IRF4: variants seen among roughly 807,000 people sequenced by gnomAD.
The protein encoded by IRF4 is interferon regulatory factor 4.
In IRF4, 13 loss-of-function variants were observed where a neutral mutation model predicts 55.5. That is an observed-to-expected ratio of 0.23 (90% CI 0.15 to 0.37). IRF4 has a LOEUF of 0.37. Ranked by LOEUF, IRF4 falls within the 10% of genes least tolerant of loss-of-function variation. The pLI is 1.00. For missense variants in IRF4, 397 were observed against 593.8 expected (o/e 0.67, Z 3.44); for synonymous variants, 249 against 240.7 (o/e 1.03, Z -0.32).
Position 407,610 on chromosome 6 carries a change from A to C in IRF4, c.*12A>C. ...CTATTCAAGAATGAAAAATGTCAAG[A>C]TGAGTGGTTTTCTTTTTCCTTTTTT... is the stretch of plus-strand genomic sequence containing the variant. On this transcript the variant is annotated 3_prime_UTR_variant, in exon 9 of 9. Coordinates refer to ENST00000380956, the MANE Select transcript of IRF4 (RefSeq NM_002460.4). The C allele has an allele frequency of 6.7e-7, 1 of 1,503,198 alleles. No individual in the cohort carries two copies. The highest frequency in any genetic ancestry group is 1.2e-5 in the South Asian group (1 of 82,996). The allele number at this position is 1,503,198 out of a possible 1,614,324, so 93.1% of individuals were successfully genotyped here. A position where few individuals can be genotyped will look rare whatever the true frequency, so the allele number is the denominator to read the frequency against.
chr6:407,655 G>A lies in IRF4; in HGVS notation c.*57G>A. On this transcript the variant is annotated 3_prime_UTR_variant, in exon 9 of 9. Coordinates refer to ENST00000380956, the MANE Select transcript of IRF4 (RefSeq NM_002460.4). Reference sequence around the variant, plus strand: ...TTTTTTTTTTTTTTTTTTTGATACGGGGATACGGGGTCTTGCTCTGTCTCC... The same window carrying A: ...TTTTTTTTTTTTTTTTTTTGATACGAGGATACGGGGTCTTGCTCTGTCTCC... The A allele has an allele frequency of 7.1e-7, 1 of 1,407,216 alleles. No individual in the cohort carries two copies. The highest frequency in any genetic ancestry group is 9.7e-7 in the Non-Finnish European group (1 of 1,031,496). 87.2% of individuals were successfully genotyped at this position (1,407,216 alleles called of 1,614,324 possible). A position where few individuals can be genotyped will look rare whatever the true frequency, so the allele number is the denominator to read the frequency against.
At chr6:406,769 C>T in intron 8 of IRF4, 1 of 1,188,074 alleles carries the variant, frequency 8.4e-7, no homozygotes, top group Non-Finnish European at 1.1e-6. Flanking sequence ...ATTTCAGGTA[C>T]TTAGGAGTTT....
At chr6:402,243 A>T (rs943479678) in intron 7 of IRF4, among the ~76,000 whole-genome samples, 1 of 152,220 alleles carries the variant, frequency 6.6e-6, no homozygotes, top group Non-Finnish European at 1.5e-5. Context: ...GAGAAGTTAT[A>T]GGAGAGTGCT....
At chr6:398,775 G>C in intron 5 of IRF4, 53 bp from the exon 6 acceptor site, 1 of 1,347,544 alleles carries the variant, frequency 7.4e-7, no homozygotes, top group East Asian at 2.4e-5. Context: ...GAAGCCCCGC[G>C]GTGCGTCGGA....
In IRF4 at chr6:408,603, G is replaced by A. The variant is rs1761614878; in HGVS notation, c.*1005G>A. 2 of 229,630 alleles carry A rather than the reference G, an allele frequency of 8.7e-6. No homozygotes were observed. The highest frequency in any genetic ancestry group is 5.7e-5 in the Admixed American group (1 of 17,664). 14.2% of individuals were successfully genotyped at this position (229,630 alleles called of 1,614,324 possible). A position where few individuals can be genotyped will look rare whatever the true frequency, so the allele number is the denominator to read the frequency against. On this transcript the variant is annotated 3_prime_UTR_variant, in exon 9 of 9. Transcript: ENST00000380956. Reference sequence around the variant, plus strand: ...ATGCTAAAATTCTTCGCATAAAGAAGAAGAAATTAAGGAACATAAATCTTA... The same window carrying A: ...ATGCTAAAATTCTTCGCATAAAGAAAAAGAAATTAAGGAACATAAATCTTA...
rs1280345038 is a variant in IRF4 at position 393,497 on chromosome 6, T to A, written c.216+129T>A. ...GGCGGACGGGCGGGCGGCGGAGGCA[T>A]CAGGTGGCGTCGCCGGAGCCGCAGG... On this transcript the variant is annotated intron_variant, in intron 2 of 8. Coordinates refer to ENST00000380956, the MANE Select transcript of IRF4 (RefSeq NM_002460.4). The surrounding 1 kb of genome is among the most constrained non-coding windows in gnomAD (Gnocchi z 5.4). 4 of 587,366 alleles carry A rather than the reference T, an allele frequency of 6.8e-6. No homozygotes were observed. The highest frequency in any genetic ancestry group is 2.0e-5 in the African/African-American group (1 of 50,854). 36.4% of individuals were successfully genotyped at this position (587,366 alleles called of 1,614,324 possible). A position where few individuals can be genotyped will look rare whatever the true frequency, so the allele number is the denominator to read the frequency against.
chr6:408,341 T>C lies in IRF4; in HGVS notation c.*743T>C, dbSNP rs1019189039. ...GTGCCTGTAGCCTTGGGGAGGCCCA[T>C]CCCCCACCTGCCAGCGGTTTCCTGG... On this transcript the variant is annotated 3_prime_UTR_variant, in exon 9 of 9. Transcript: ENST00000380956. 3.0e-5 allele frequency: 7 copies of C among 231,472 alleles called. No homozygotes were observed. Among genetic ancestry groups the C allele is most frequent in the African/African-American group, 1.1e-4 (5 of 45,230 alleles). The allele number at this position is 231,472 out of a possible 1,614,324, so 14.3% of individuals were successfully genotyped here. A position where few individuals can be genotyped will look rare whatever the true frequency, so the allele number is the denominator to read the frequency against.
At chr6:400,539 A>G (rs2127439410) in intron 6 of IRF4, among the ~76,000 whole-genome samples, 1 of 152,316 alleles carries the variant, frequency 6.6e-6, no homozygotes, top group African/African-American at 2.4e-5. Flanking sequence ...CTTTTAGAGT[A>G]TTTTTCTCAT....
chr6:407,723 C>A lies in IRF4; in HGVS notation c.*125C>A, dbSNP rs1761588912. The A allele has an allele frequency of 1.1e-6, 1 of 889,888 alleles. No individual in the cohort carries two copies. Among genetic ancestry groups the A allele is most frequent in the Non-Finnish European group, 1.7e-6 (1 of 594,600 alleles). The allele number at this position is 889,888 out of a possible 1,614,324, so 55.1% of individuals were successfully genotyped here. On this transcript the variant is annotated 3_prime_UTR_variant, in exon 9 of 9. Transcript: ENST00000380956. ...ACACAATCTCAGCTCACTGTGACCTCCGCCTCCTGGGTTCAAGAGACTCTC... is the reference window on the plus strand; with the variant it reads ...ACACAATCTCAGCTCACTGTGACCTACGCCTCCTGGGTTCAAGAGACTCTC...
intron 2 of IRF4, among the ~76,000 whole-genome samples, chr6:394,266 C>G (rs2671429): frequency 0.1 from 15,514 of 152,190 alleles, 1,452 homozygotes; most frequent in African/African-American, 0.24. Context: ...AGAGCCCCCT[C>G]AAGGAACCTC....
chr6:410,047 A>C lies in IRF4; in HGVS notation c.*2449A>C. 1 of 226,974 alleles carries C rather than the reference A, an allele frequency of 4.4e-6. No homozygotes were observed. The highest frequency in any genetic ancestry group is 2.2e-5 in the African/African-American group (1 of 45,162). 14.1% of individuals were successfully genotyped at this position (226,974 alleles called of 1,614,324 possible). ...GTATGACCTAGGGAATGAACTAGCT[A>C]TGAAATACTCAGGGTTAGGAATCCT... On this transcript the variant is annotated 3_prime_UTR_variant, in exon 9 of 9. Transcript: ENST00000380956.
rs1406658590 is a variant in IRF4 at position 401,608 on chromosome 6, C to G, written c.930C>G (p.His310Gln). The G allele has an allele frequency of 6.2e-7, 1 of 1,614,170 alleles. No homozygotes were observed. Among genetic ancestry groups the G allele is most frequent in the Non-Finnish European group, 8.5e-7 (1 of 1,180,054 alleles). Residue 310 changes from histidine to glutamine, a missense_variant, in exon 7 of 9, where the codon CAC (histidine) becomes CAG (glutamine). Around this residue, in one of 3 missense-constraint regions of IRF4, gnomAD observed 341 missense variants for 548.1 expected, o/e 0.62. Transcript: ENST00000380956. ...QRKNIEKLLS[H>Q]LERGVVLWMA... ...AAAACATTGAGAAGCTGCTGAGCCACCTGGAGAGGGGCGTGGTCCTCTGGA... is the reference window on the plus strand; with the variant it reads ...AAAACATTGAGAAGCTGCTGAGCCAGCTGGAGAGGGGCGTGGTCCTCTGGA...
At position 393,049 on chromosome 6, in the gene IRF4, G is replaced by T; in HGVS notation, c.-55-49G>T. 2 of 1,074,006 alleles carry T rather than the reference G, an allele frequency of 1.9e-6. No homozygotes were observed. The highest frequency in any genetic ancestry group is 2.6e-6 in the Non-Finnish European group (2 of 755,852). The allele number at this position is 1,074,006 out of a possible 1,614,324, so 66.5% of individuals were successfully genotyped here. A position where few individuals can be genotyped will look rare whatever the true frequency, so the allele number is the denominator to read the frequency against. On this transcript the variant is annotated intron_variant, in intron 1 of 8. Transcript: ENST00000380956. This position sits in a 1 kb window ranked among gnomAD's most constrained non-coding sequence, Gnocchi z 5.4. Reference sequence around the variant, plus strand: ...CTGGCGCAGGGGATCGGGGCGGGGTGCCCGGAGTGCGGTGCCTCGTGGCTG... The same window carrying T: ...CTGGCGCAGGGGATCGGGGCGGGGTTCCCGGAGTGCGGTGCCTCGTGGCTG...
At chr6:398,566 AG>A (rs1240254993) in intron 5 of IRF4, among the ~76,000 whole-genome samples, 1 of 152,258 alleles carries the variant, frequency 6.6e-6, no homozygotes, top group African/African-American at 2.4e-5. Context: ...CCTGTTAGTC[AG>A]TTACAGAGAG....
At chr6:403,046 A>C (rs1761448203) in intron 7 of IRF4, among the ~76,000 whole-genome samples, 1 of 152,190 alleles carries the variant, frequency 6.6e-6, no homozygotes, top group Admixed American at 6.5e-5. Flanking sequence ...CCCGCACCAC[A>C]AAAAAATAAC....
In IRF4 at chr6:401,542, C is replaced by G. The variant is rs1179357950; in HGVS notation, c.864C>G (p.Asp288Glu). The G allele has an allele frequency of 1.2e-6, 2 of 1,614,080 alleles. No individual in the cohort carries two copies. The highest frequency in any genetic ancestry group is 2.2e-5 in the South Asian group (2 of 91,090). Residue 288 changes from aspartate to glutamate, a missense_variant, in exon 7 of 9, where the codon GAC becomes GAG. Physicochemically the swap from Asp to Glu is conservative, Grantham distance 45. Around this residue, in one of 3 missense-constraint regions of IRF4, gnomAD observed 341 missense variants for 548.1 expected, o/e 0.62. Coordinates refer to ENST00000380956, the MANE Select transcript of IRF4 (RefSeq NM_002460.4). ...ATACGTATGACGCCAGCAACCTGGACCAGGTCCTGTTCCCCTACCCAGAGG... is the reference window on the plus strand; with the variant it reads ...ATACGTATGACGCCAGCAACCTGGAGCAGGTCCTGTTCCCCTACCCAGAGG... ...HGHTYDASNL[D>E]QVLFPYPEDN...
At chr6:404,852 A>G (rs936309567) in intron 7 of IRF4, among the ~76,000 whole-genome samples, 166 bp from the exon 8 acceptor site, 2 of 152,232 alleles carry the variant, frequency 1.3e-5, no homozygotes, top group East Asian at 3.8e-4. Flanking sequence ...CATACATGCT[A>G]TTTTGTATCT....
chr6:405,480 TA>T (rs1055414300), intron 8 of IRF4, among the ~76,000 whole-genome samples: 1 of 152,234 alleles, frequency 6.6e-6, no homozygotes, highest in African/African-American at 2.4e-5. Context: ...TTCTCCAGGT[TA>T]AGATTGCTGT....
intron 8 of IRF4, among the ~76,000 whole-genome samples, chr6:405,903 C>T (rs1374662259): frequency 6.6e-6 from 1 of 152,212 alleles, no homozygotes; most frequent in East Asian, 1.9e-4. Flanking sequence ...TTGCTACATA[C>T]TTGCAAGCAT....
Sources: allele counts gnomAD v4.1 joint callset (sites outside exome capture counted in the v4.1 genomes callset), GRCh38; gene constraint gnomAD v4.1.1; regional missense constraint gnomAD v4.1.1; non-coding constraint Gnocchi (gnomAD v3.1); transcripts MANE v1.5; gene names NCBI Gene and HGNC (gene_info 2026-07-23, HGNC 2026-07-21).